TNR: variants seen among roughly 807,000 people sequenced by gnomAD.
TNR encodes the protein tenascin-R.
TNR carries 45 observed loss-of-function variants against 150.4 expected under a neutral mutation model. The ratio of observed to expected loss-of-function variants is 0.30; its 90% CI spans 0.24 to 0.38. The LOEUF (loss-of-function observed/expected upper bound fraction) is 0.38. TNR is among the 10% of genes least tolerant of loss of function. TNR has a pLI of 1.00. For missense variants in TNR, 1,544 were observed against 1,759.1 expected (o/e 0.88, Z 2.19); for synonymous variants, 687 against 678.4 (o/e 1.01, Z -0.20).
intron 1 of TNR, among the ~76,000 whole-genome samples, chr1:175,565,090 T>A (rs1400238076): frequency 6.6e-6 from 1 of 152,234 alleles, no homozygotes; most frequent in Non-Finnish European, 1.5e-5. Flanking sequence ...TTTTAAATGG[T>A]TCAGCCCATA....
intron 2 of TNR, among the ~76,000 whole-genome samples, chr1:175,483,767 C>T (rs1370474804): frequency 6.6e-6 from 1 of 152,194 alleles, no homozygotes; most frequent in African/African-American, 2.4e-5. Flanking sequence ...GGGAACTACA[C>T]GTTTGAGTTG....
At chr1:175,681,400 GA>G (rs1666030016) in intron 1 of TNR, among the ~76,000 whole-genome samples, 1 of 152,204 alleles carries the variant, frequency 6.6e-6, no homozygotes, top group South Asian at 2.1e-4. Context: ...AAGTCAAAGA[GA>G]ACCAAGGGAA....
chr1:175,497,055 G>T (rs778982467), intron 2 of TNR, among the ~76,000 whole-genome samples: 5 of 152,206 alleles, frequency 3.3e-5, no homozygotes, highest in Non-Finnish European at 7.4e-5. Flanking sequence ...AGGCTAAAAA[G>T]CTCACTCTTT....
chr1:175,621,226 C>T (rs1663964893), intron 1 of TNR, among the ~76,000 whole-genome samples: 1 of 152,202 alleles, frequency 6.6e-6, no homozygotes, highest in Admixed American at 6.5e-5. Context: ...CTGCTCATCT[C>T]ACTGTCTACA....
intron 2 of TNR, among the ~76,000 whole-genome samples, chr1:175,487,750 T>A (rs749306554): frequency 3.9e-5 from 6 of 152,204 alleles, no homozygotes; most frequent in Non-Finnish European, 8.8e-5. Flanking sequence ...AGGTAAAGCA[T>A]TTTGCTCTGT....
intron 1 of TNR, among the ~76,000 whole-genome samples, chr1:175,608,078 TC>T (rs1663472003): frequency 6.6e-6 from 1 of 152,210 alleles, no homozygotes; most frequent in South Asian, 2.1e-4. Flanking sequence ...AGATTGCAGC[TC>T]ACCCTGGAAG....
chr1:175,452,687 A>G (rs925779404), intron 2 of TNR, among the ~76,000 whole-genome samples: 1 of 152,202 alleles, frequency 6.6e-6, no homozygotes, highest in Admixed American at 6.5e-5. Flanking sequence ...TGAAGTTTGG[A>G]AGAACTGTAA....
chr1:175,484,271 C>T (rs1396546065), intron 2 of TNR, among the ~76,000 whole-genome samples: 1 of 152,138 alleles, frequency 6.6e-6, no homozygotes, highest in Admixed American at 6.5e-5. Context: ...GTTACTTTTC[C>T]TCTCTCCCAC....
intron 1 of TNR, among the ~76,000 whole-genome samples, chr1:175,672,434 G>T (rs1340031038): frequency 2.0e-5 from 3 of 152,150 alleles, no homozygotes; most frequent in Admixed American, 1.3e-4. Context: ...TCCACCATTT[G>T]ATTTTATTTT....
At chr1:175,345,869 A>C (rs999113899) in intron 18 of TNR, among the ~76,000 whole-genome samples, 8 of 152,216 alleles carry the variant, frequency 5.3e-5, no homozygotes, top group African/African-American at 1.2e-4. Flanking sequence ...ATGAACTTCA[A>C]GACATATAAT....
intron 1 of TNR, among the ~76,000 whole-genome samples, chr1:175,567,757 G>A (rs1386704300): frequency 1.3e-5 from 2 of 152,098 alleles, no homozygotes; most frequent in Non-Finnish European, 2.9e-5. Flanking sequence ...AGAAGTAGGG[G>A]CTTTCTAAGC....
chr1:175,444,048 G>A (rs1655916860), intron 2 of TNR, among the ~76,000 whole-genome samples: 1 of 152,182 alleles, frequency 6.6e-6, no homozygotes, highest in African/African-American at 2.4e-5. Context: ...GGGGTGGTCT[G>A]TGTCCATTAA....
chr1:175,385,807 G>A (rs528842373), intron 8 of TNR, among the ~76,000 whole-genome samples: 14 of 152,300 alleles, frequency 9.2e-5, no homozygotes, highest in African/African-American at 3.4e-4. Context: ...AGATCTGGTT[G>A]CCAGTAGAGG....
chr1:175,371,191 A>C (rs1652089354), intron 9 of TNR, among the ~76,000 whole-genome samples: 1 of 152,092 alleles, frequency 6.6e-6, no homozygotes, highest in African/African-American at 2.4e-5. Flanking sequence ...TGCCCCCTTT[A>C]TCTCTCCATC....
chr1:175,598,566 G>A (rs987852955), intron 1 of TNR, among the ~76,000 whole-genome samples: 2 of 152,244 alleles, frequency 1.3e-5, no homozygotes, highest in African/African-American at 4.8e-5. Flanking sequence ...ACAGTATGCT[G>A]TATAAACAGA....
intron 2 of TNR, among the ~76,000 whole-genome samples, chr1:175,415,378 G>C (rs777572894): frequency 1.1e-3 from 163 of 152,174 alleles, no homozygotes; most frequent in Admixed American, 4.8e-3. Context: ...AAAAGAACCC[G>C]AGGGCAGAAA....
chr1:175,539,692 A>G (rs1377024946), intron 1 of TNR, among the ~76,000 whole-genome samples: 1 of 152,230 alleles, frequency 6.6e-6, no homozygotes, highest in Non-Finnish European at 1.5e-5. Flanking sequence ...TCAAGAAGGC[A>G]TATCCTGAGG....
intron 18 of TNR, among the ~76,000 whole-genome samples, chr1:175,350,192 A>T (rs1317763345): frequency 6.6e-6 from 1 of 152,240 alleles, no homozygotes; most frequent in East Asian, 1.9e-4. Context: ...AGAACAGCTC[A>T]GCCTGGATGT....
At position 175,362,598 on chromosome 1, in the gene TNR, C is replaced by T. The variant is rs993630784; in HGVS notation, c.2854+65G>A. On this transcript the variant is annotated intron_variant, in intron 14 of 22. Transcript: ENST00000367674. ...TAGCCTCCAGAACCTTTCTACAAGCCCGAACAACTTCACCCAGATCTTCAG... is the reference window on the plus strand; with the variant it reads ...TAGCCTCCAGAACCTTTCTACAAGCTCGAACAACTTCACCCAGATCTTCAG... 11 of 1,577,806 alleles carry T rather than the reference C, an allele frequency of 7.0e-6. No individual in the cohort carries two copies. In the East Asian group the frequency reaches 9.0e-5, roughly 13 times the overall value.
Sources: allele counts gnomAD v4.1 joint callset (sites outside exome capture counted in the v4.1 genomes callset), GRCh38; gene constraint gnomAD v4.1.1; transcripts MANE v1.5; gene names NCBI Gene and HGNC (gene_info 2026-07-23, HGNC 2026-07-21).